The following P3H1 variants were observed in gnomAD, a reference collection of about 807,000 sequenced individuals.
P3H1 encodes growth suppressor 1.
P3H1 carries 69 observed loss-of-function variants against 84.0 expected under a neutral mutation model. The observed-to-expected ratio is 0.82, with a 90% CI of 0.68 to 1.00. P3H1 has a LOEUF of 1.00. Ranked by LOEUF, P3H1 falls within the 50% of genes least tolerant of loss-of-function variation. The probability of loss-of-function intolerance (pLI) is 0.00; values close to 1 mark genes in which losing one functional copy is unlikely to be tolerated. For missense variants in P3H1, 878 were observed against 962.8 expected, an observed-to-expected ratio of 0.91 and a Z score of 1.17; for synonymous variants, 366 against 388.8, an observed-to-expected ratio of 0.94 and a Z score of 0.69.
intron 4 of P3H1, 160 bp from the exon 5 acceptor site, chr1:42,758,082 G>C: frequency 1.3e-6 from 1 of 752,350 alleles, no homozygotes; most frequent in African/African-American, 1.7e-5. Context: ...CTGATTTCAG[G>C]GGCAGGAGTT....
At chr1:42,766,411 G>A in intron 1 of P3H1, 96 bp downstream of exon 1, 2 of 1,148,270 alleles carry the variant, frequency 1.7e-6, no homozygotes, top group Middle Eastern at 1.9e-4. Context: ...TCCCCTCCCT[G>A]CGGACACTTC....
rs1472509261 is a variant in P3H1 at position 42,754,857 on chromosome 1, C to T, written c.1345+12G>A. ...ACAACAGCCAGACATGCCCCTATTT[C>T]TGTCCTCTCACCTTCCCGGGTCAGT... On this transcript the variant is annotated intron_variant, in intron 8 of 14. Transcript: ENST00000296388. The surrounding 1 kb of genome is among the most constrained non-coding windows in gnomAD (Gnocchi z 4.0). 6.2e-7 allele frequency: 1 copy of T among 1,614,174 alleles called. No individual in the cohort carries two copies. The highest frequency in any genetic ancestry group is 1.7e-5 in the Admixed American group (1 of 60,032).
chr1:42,747,691 T>A, intron 13 of P3H1, 32 bp downstream of exon 13: 1 of 1,610,214 alleles, frequency 6.2e-7, no homozygotes, highest in Non-Finnish European at 8.5e-7. Context: ...AGACTTTTTA[T>A]CTCCCAGGGA....
intron 6 of P3H1, 48 bp from the exon 7 acceptor site, chr1:42,755,265 CT>C: frequency 6.4e-7 from 1 of 1,561,484 alleles, no homozygotes; most frequent in Middle Eastern, 1.7e-4. Context: ...TCTACTTAAT[CT>C]TCCAGGTGTC....
In P3H1 at chr1:42,755,023, C is replaced by T. The variant is rs200453462; in HGVS notation, c.1224-33G>A. ...CACAGCCGCTCTGAGGACTGCATTC[C>T]AGGGCCAGCCCTGGGCTCCACCCCG... On this transcript the variant is annotated intron_variant, in intron 7 of 14. Coordinates refer to ENST00000296388, the MANE Select transcript of P3H1 (RefSeq NM_022356.4). 38 of 1,614,082 alleles carry T rather than the reference C, an allele frequency of 2.4e-5. No individual in the cohort carries two copies. The Admixed American group carries it at 5.3e-4, about 23-fold the overall frequency.
chr1:42,750,789 C>T (rs1334314193), intron 10 of P3H1, among the ~76,000 whole-genome samples: 3 of 147,224 alleles, frequency 2.0e-5, no homozygotes, highest in Admixed American at 6.7e-5. Context: ...CCCCTCTGCC[C>T]GGCCAGCCGC....
At chr1:42,751,309 C>T (rs1652061880) in intron 10 of P3H1, among the ~76,000 whole-genome samples, 1 of 88,308 alleles carries the variant, frequency 1.1e-5, no homozygotes, top group African/African-American at 4.4e-5. Flanking sequence ...TGTGTCCACT[C>T]AGGGTTAAAT....
intron 5 of P3H1, among the ~76,000 whole-genome samples, chr1:42,757,006 TCTAGTTAAAA>T (rs1652438129): frequency 6.6e-6 from 1 of 152,234 alleles, no homozygotes; most frequent in African/African-American, 2.4e-5. Flanking sequence ...AAAGGGGACT[TCTAGTTAAAA>T]ATGCTAGATT....
At chr1:42,749,199 T>C (rs772510892) in intron 11 of P3H1, among the ~76,000 whole-genome samples, 6 of 152,252 alleles carry the variant, frequency 3.9e-5, no homozygotes, top group Non-Finnish European at 7.3e-5. Flanking sequence ...CACCTGTGCT[T>C]GTGCTCTCCC....
Position 42,766,738 on chromosome 1 carries a change from C to G in P3H1, c.234G>C (p.Gln78His). The part of the protein sequence containing the change: ...LRALRLRCRT[Q>H]CAADFPWELD... ...GCTCCCACGGGAAGTCGGCGGCACA[C>G]TGGGTGCGGCAGCGCAGGCGAAGGG... The change falls in exon 1 of 15, where the codon CAG becomes CAC. Residue 78 changes from glutamine to histidine, a missense_variant. Coordinates refer to ENST00000296388, the MANE Select transcript of P3H1 (RefSeq NM_022356.4). 6.3e-7 allele frequency: 1 copy of G among 1,576,414 alleles called. No homozygotes were observed. Among genetic ancestry groups the G allele is most frequent in the Non-Finnish European group, 8.6e-7 (1 of 1,162,044 alleles).
At chr1:42,748,793 G>A (rs527715156) in intron 11 of P3H1, 53 of 263,070 alleles carry the variant, frequency 2.0e-4, no homozygotes, top group African/African-American at 1.1e-3. Flanking sequence ...GGGGTGGGTG[G>A]AGAAACCATG....
Position 42,762,158 on chromosome 1 carries a change from C to T in P3H1, c.618+165G>A, listed in dbSNP as rs114059365. On this transcript the variant is annotated intron_variant, in intron 2 of 14. Coordinates refer to ENST00000296388, the MANE Select transcript of P3H1 (RefSeq NM_022356.4). ...AAAGAATGCATGCCTGTAGTCCCAA[C>T]TACTCAGGAGGCCGAGACTAGAGGG... 2.6e-3 allele frequency: 1,741 copies of T among 668,710 alleles called. 28 individuals are homozygous for T. In the African/African-American group the frequency reaches 0.028, roughly 11 times the overall value. 41.4% of individuals were successfully genotyped at this position (668,710 alleles called of 1,614,324 possible). A position where few individuals can be genotyped will look rare whatever the true frequency, so the allele number is the denominator to read the frequency against.
intron 1 of P3H1, among the ~76,000 whole-genome samples, chr1:42,764,423 CAAAAAAAAAAA>C (rs769981372): frequency 7.4e-4 from 63 of 84,944 alleles, no homozygotes; most frequent in African/African-American, 2.9e-3. Flanking sequence ...GACTCCATCT[CAAAAAAAAAAA>C]AAAAAAAAAA....
intron 1 of P3H1, among the ~76,000 whole-genome samples, chr1:42,765,060 C>T (rs56200588): frequency 0.01 from 1,557 of 152,338 alleles, 12 homozygotes; most frequent in Non-Finnish European, 0.017. Flanking sequence ...CCAGAATAAG[C>T]GTTTTAAAAC....
intron 1 of P3H1, among the ~76,000 whole-genome samples, chr1:42,762,844 C>G (rs1189092329): frequency 1.3e-5 from 2 of 152,168 alleles, no homozygotes; most frequent in African/African-American, 4.8e-5. Flanking sequence ...GTAATCCCAG[C>G]ATTTTTAGAG....
intron 2 of P3H1, chr1:42,761,390 C>T (rs1259242358): frequency 6.6e-6 from 1 of 152,104 alleles, no homozygotes; most frequent in African/African-American, 2.4e-5. Flanking sequence ...ACTTTTCCTG[C>T]TAAACAAATA....
chr1:42,750,777 G>A (rs1356417690), intron 10 of P3H1, among the ~76,000 whole-genome samples: 1 of 146,370 alleles, frequency 6.8e-6, no homozygotes, highest in Admixed American at 6.7e-5. Context: ...GGGAAGTGAG[G>A]ACCCCTCTGC....
chr1:42,758,563 C>A (rs1433746919), intron 4 of P3H1, among the ~76,000 whole-genome samples: 1 of 152,192 alleles, frequency 6.6e-6, no homozygotes, highest in Admixed American at 6.5e-5. Flanking sequence ...GTGGCATACC[C>A]TTATTTTGCT....
At chr1:42,750,783 T>C in intron 10 of P3H1, among the ~76,000 whole-genome samples, 1 of 119,858 alleles carries the variant, frequency 8.3e-6, no homozygotes, top group African/African-American at 3.2e-5. Context: ...TGAGGACCCC[T>C]CTGCCCGGCC....
Sources: gnomAD v4.1 joint callset for allele counts (sites outside exome capture counted in the v4.1 genomes callset) on GRCh38, gnomAD v4.1.1 for gene constraint, Gnocchi (gnomAD v3.1) non-coding constraint, MANE v1.5 for transcripts, NCBI Gene and HGNC (gene_info 2026-07-23, HGNC 2026-07-21) for gene names.